NMNAT1: variants seen among roughly 807,000 people sequenced by gnomAD.
The protein encoded by NMNAT1 is nicotinamide nucleotide adenylyltransferase 1, also known as nicotinamide/nicotinic acid mononucleotide adenylyltransferase 1.
In NMNAT1, 11 loss-of-function variants were observed where a neutral mutation model predicts 16.7. That is an observed-to-expected ratio of 0.66 (90% CI 0.41 to 1.09). NMNAT1 has a LOEUF of 1.09. Among genes scored for constraint, NMNAT1 ranks in the 50% least tolerant of loss-of-function variants. The pLI is 0.00. For missense variants in NMNAT1, 280 were observed against 332.3 expected (o/e 0.84, Z 1.22); for synonymous variants, 110 against 119.8 (o/e 0.92, Z 0.53).
chr1:9,972,026 G>A lies in NMNAT1; in HGVS notation c.-48G>A. On this transcript the variant is annotated 5_prime_UTR_variant, in exon 2 of 5. Transcript: ENST00000377205. ...TTCTTTTTCCTTTGTAGACAACAAG[G>A]GAGGTGTCACAGTTTTCCATTTAGA... 1.1e-6 allele frequency: 1 copy of A among 930,410 alleles called. No homozygotes were observed. The highest frequency in any genetic ancestry group is 1.8e-6 in the Non-Finnish European group (1 of 560,616). The allele number at this position is 930,410 out of a possible 1,614,324, so 57.6% of individuals were successfully genotyped here.
At chr1:9,943,853 C>T (rs992946137) in intron 1 of NMNAT1, among the ~76,000 whole-genome samples, 1 of 152,152 alleles carries the variant, frequency 6.6e-6, no homozygotes, top group African/African-American at 2.4e-5. Context: ...CCCTTTCCTC[C>T]TAAATCCTTC....
the NMNAT1 span, among the ~76,000 whole-genome samples, chr1:9,996,309 CAA>C: frequency 6.5e-4 from 66 of 101,884 alleles, no homozygotes; most frequent in Middle Eastern, 9.0e-3. Flanking sequence ...GACTCCGTCT[CAA>C]AAAAAAAAAA....
Position 9,972,097 on chromosome 1 carries a change from A to G in NMNAT1, c.24A>G (p.Glu8=). 1.2e-6 allele frequency: 2 copies of G among 1,610,006 alleles called. No homozygotes were observed. The highest frequency in any genetic ancestry group is 1.7e-6 in the Non-Finnish European group (2 of 1,176,314). ...CCATGGAAAATTCCGAGAAGACTGA[A>G]GTGGTTCTCCTTGCTTGTGGTTCAT... MENSEKT[E]VVLLACGSFN... Residue 8 remains glutamate, a synonymous_variant, in exon 2 of 5, where the codon GAA becomes GAG. Transcript: ENST00000377205.
intron 3 of NMNAT1, among the ~76,000 whole-genome samples, chr1:9,978,419 C>T (rs1204201156): frequency 1.3e-5 from 2 of 152,218 alleles, no homozygotes; most frequent in Non-Finnish European, 2.9e-5. Flanking sequence ...CTCCTTCTGC[C>T]TTCCAAATCT....
At chr1:9,953,981 T>G (rs1641184661) in intron 1 of NMNAT1, among the ~76,000 whole-genome samples, 1 of 150,394 alleles carries the variant, frequency 6.6e-6, no homozygotes, top group Admixed American at 6.6e-5. Context: ...AATTTTTGTA[T>G]TTTTAGTAGA....
chr1:9,993,797 T>C, the NMNAT1 span, among the ~76,000 whole-genome samples: 2 of 152,086 alleles, frequency 1.3e-5, no homozygotes, highest in Admixed American at 6.6e-5. Flanking sequence ...ATGGAATGTA[T>C]GGAGATAAGG....
chr1:9,972,389 G>A (rs1255976861), intron 2 of NMNAT1: 13 of 398,224 alleles, frequency 3.3e-5, no homozygotes, highest in Non-Finnish European at 6.0e-5. Flanking sequence ...CTAGCTACTC[G>A]GGAGGCTGAG....
chr1:9,976,775 C>T (rs1168555673), intron 3 of NMNAT1, among the ~76,000 whole-genome samples: 2 of 151,998 alleles, frequency 1.3e-5, no homozygotes, highest in Non-Finnish European at 2.9e-5. Flanking sequence ...CAGGTGACTG[C>T]CACCACGCCC....
At chr1:9,961,957 G>A (rs992403154) in intron 1 of NMNAT1, among the ~76,000 whole-genome samples, 3 of 151,670 alleles carry the variant, frequency 2.0e-5, no homozygotes, top group Non-Finnish European at 2.9e-5. Flanking sequence ...TAGTAGAGAC[G>A]GGGTTTCTCC....
At chr1:9,958,204 G>GAAAACAAAT (rs1641314780) in intron 1 of NMNAT1, among the ~76,000 whole-genome samples, 1 of 152,072 alleles carries the variant, frequency 6.6e-6, no homozygotes. Flanking sequence ...ATAGCTTCCA[G>GAAAACAAAT]AAAACAAATT....
intron 1 of NMNAT1, among the ~76,000 whole-genome samples, chr1:9,965,839 T>C (rs1416064574): frequency 2.0e-5 from 3 of 151,888 alleles, no homozygotes; most frequent in African/African-American, 7.3e-5. Context: ...ATTTAAAAAA[T>C]ATAGCCAGGT....
intron 3 of NMNAT1, 93 bp downstream of exon 3, chr1:9,975,868 C>T: frequency 9.3e-7 from 1 of 1,076,478 alleles, no homozygotes; most frequent in Non-Finnish European, 1.4e-6. Context: ...CATCTGTGAA[C>T]ATACAGATTT....
At chr1:9,972,377 T>A (rs575949445) in intron 2 of NMNAT1, 189 bp downstream of exon 2, 1 of 437,830 alleles carries the variant, frequency 2.3e-6, no homozygotes, top group South Asian at 2.8e-5. Flanking sequence ...GTGCCTGTAG[T>A]CCTAGCTACT....
chr1:9,954,101 C>T (rs1225192124), intron 1 of NMNAT1, among the ~76,000 whole-genome samples: 3 of 152,028 alleles, frequency 2.0e-5, no homozygotes, highest in East Asian at 1.9e-4. Flanking sequence ...CCACCGCACC[C>T]GGCCCATACA....
the NMNAT1 span, among the ~76,000 whole-genome samples, chr1:9,995,430 T>C: frequency 6.6e-6 from 1 of 151,266 alleles, no homozygotes; most frequent in Non-Finnish European, 1.5e-5. Context: ...TGGTGGCTCA[T>C]GCCTGTAATT....
chr1:9,961,044 T>C (rs969093767), intron 1 of NMNAT1, among the ~76,000 whole-genome samples: 5 of 152,184 alleles, frequency 3.3e-5, no homozygotes, highest in African/African-American at 1.2e-4. Context: ...TAGAGTCTGG[T>C]GTGAGCTCGA....
intron 1 of NMNAT1, among the ~76,000 whole-genome samples, chr1:9,954,095 C>T (rs1441643839): frequency 2.0e-5 from 3 of 151,806 alleles, no homozygotes; most frequent in South Asian, 4.2e-4. Context: ...CATGAGCCAC[C>T]GCACCCGGCC....
chr1:9,966,713 C>T (rs1641552598), intron 1 of NMNAT1, among the ~76,000 whole-genome samples: 1 of 152,010 alleles, frequency 6.6e-6, no homozygotes, highest in African/African-American at 2.4e-5. Flanking sequence ...TAGTAGGCAG[C>T]ATTTAAAAGG....
At chr1:9,964,929 C>CAAA (rs775381643) in intron 1 of NMNAT1, among the ~76,000 whole-genome samples, 16 of 33,272 alleles carry the variant, frequency 4.8e-4, no homozygotes, top group Non-Finnish European at 6.6e-4. Flanking sequence ...ACCTGGGCGA[C>CAAA]AAAAAAAAAA....
Sources: gnomAD v4.1 joint callset for allele counts (sites outside exome capture counted in the v4.1 genomes callset) on GRCh38, gnomAD v4.1.1 for gene constraint, MANE v1.5 for transcripts, NCBI Gene and HGNC (gene_info 2026-07-23, HGNC 2026-07-21) for gene names.